The following SRGAP1 variants were observed in gnomAD, a reference collection of about 807,000 sequenced individuals.
The protein encoded by SRGAP1 is SLIT-ROBO Rho GTPase-activating protein 1.
SRGAP1 carries 43 observed loss-of-function variants against 121.9 expected under a neutral mutation model. The ratio of observed to expected loss-of-function variants is 0.35; its 90% CI spans 0.28 to 0.46. The LOEUF (loss-of-function observed/expected upper bound fraction) is 0.46, where lower values mean the gene tolerates loss of function less well. SRGAP1 is among the 20% of genes least tolerant of loss of function. SRGAP1 has a pLI of 1.00. For synonymous variants in SRGAP1, 447 were observed against 485.4 expected (o/e 0.92, Z 1.04); for missense variants, 1,102 against 1,350.9 (o/e 0.82, Z 2.89).
chr12:64,160,308 AGT>A lies in SRGAP1; in HGVS notation c.*17639_*17640del, dbSNP rs1382987528. ...ATCCTTAATCAGCTTCCTGATTGAG[AGT>A]GTATTTTGAGACATTCCATGTCTAG... On this transcript the variant is annotated 3_prime_UTR_variant, in exon 22 of 22. Transcript: ENST00000355086. 1 of 152,148 alleles carries A rather than the reference AGT, an allele frequency of 6.6e-6. No homozygotes were observed. The allele number at this position is 152,148 out of a possible 1,614,324, so 9.4% of individuals were successfully genotyped here.
intron 11 of SRGAP1, among the ~76,000 whole-genome samples, chr12:64,088,832 C>T (rs377111901): frequency 3.3e-5 from 5 of 152,250 alleles, no homozygotes; most frequent in East Asian, 1.9e-4. Flanking sequence ...CCCAGTCATG[C>T]GGGGACAATG....
intron 1 of SRGAP1, among the ~76,000 whole-genome samples, chr12:63,931,128 G>A (rs1022379034): frequency 6.6e-6 from 1 of 152,138 alleles, no homozygotes; most frequent in Admixed American, 6.6e-5. Flanking sequence ...AGTAATGTTG[G>A]TAGTTTTATT....
intron 1 of SRGAP1, among the ~76,000 whole-genome samples, chr12:63,858,183 G>GGTGTGTGT (rs34390447): frequency 2.0e-5 from 3 of 149,314 alleles, no homozygotes; most frequent in African/African-American, 4.9e-5. Context: ...TTTTGTGTGT[G>GGTGTGTGT]GTGTGTGTGT....
At chr12:63,997,492 T>C (rs2033745986) in intron 3 of SRGAP1, among the ~76,000 whole-genome samples, 1 of 152,142 alleles carries the variant, frequency 6.6e-6, no homozygotes, top group South Asian at 2.1e-4. Flanking sequence ...TGAAAACTTA[T>C]TTTTTAGCTA....
At chr12:64,012,408 A>G (rs1304903626) in intron 3 of SRGAP1, among the ~76,000 whole-genome samples, 5 of 152,076 alleles carry the variant, frequency 3.3e-5, no homozygotes, top group Non-Finnish European at 7.4e-5. Context: ...TGAATATATT[A>G]TTGGGTAACA....
At chr12:64,092,820 T>G (rs2036079897) in intron 12 of SRGAP1, among the ~76,000 whole-genome samples, 1 of 152,176 alleles carries the variant, frequency 6.6e-6, no homozygotes, top group South Asian at 2.1e-4. Flanking sequence ...GACGTAGGAT[T>G]CTGTTGTATT....
chr12:63,940,868 A>G (rs549713131), intron 1 of SRGAP1, among the ~76,000 whole-genome samples: 71 of 152,200 alleles, frequency 4.7e-4, no homozygotes, highest in Non-Finnish European at 7.3e-4. Context: ...CATCATCGGC[A>G]TATGGACAGT....
At chr12:64,137,437 T>A (rs903999765) in intron 21 of SRGAP1, among the ~76,000 whole-genome samples, 3 of 152,144 alleles carry the variant, frequency 2.0e-5, no homozygotes, top group Non-Finnish European at 4.4e-5. Context: ...TCGTAAAATG[T>A]CTTCCAGATT....
chr12:63,890,000 T>TGACATGTG (rs1900524257), intron 1 of SRGAP1, among the ~76,000 whole-genome samples: 1 of 152,224 alleles, frequency 6.6e-6, no homozygotes, highest in Non-Finnish European at 1.5e-5. Flanking sequence ...GTTTGTTCCA[T>TGACATGTG]GACATGTCGT....
At chr12:63,931,044 T>A (rs2031458947) in intron 1 of SRGAP1, among the ~76,000 whole-genome samples, 1 of 152,196 alleles carries the variant, frequency 6.6e-6, no homozygotes. Flanking sequence ...CTTTTGTTTT[T>A]AAGTGAGAAA....
At chr12:63,912,732 C>A (rs753873788) in intron 1 of SRGAP1, among the ~76,000 whole-genome samples, 1 of 152,048 alleles carries the variant, frequency 6.6e-6, no homozygotes, top group Non-Finnish European at 1.5e-5. Context: ...GAAATATAAA[C>A]GCTGTTGTTT....
intron 21 of SRGAP1, among the ~76,000 whole-genome samples, chr12:64,133,896 G>C (rs2036821459): frequency 6.6e-6 from 1 of 152,110 alleles, no homozygotes; most frequent in African/African-American, 2.4e-5. Flanking sequence ...TTCTACACGA[G>C]TCAGACTATT....
At chr12:64,091,429 T>C in intron 12 of SRGAP1, 51 bp downstream of exon 12, 1 of 1,370,482 alleles carries the variant, frequency 7.3e-7, no homozygotes, top group Non-Finnish European at 1.0e-6. Flanking sequence ...CTTACTATAA[T>C]GGTCTCAGCC....
intron 21 of SRGAP1, among the ~76,000 whole-genome samples, chr12:64,138,476 G>T (rs1366403192): frequency 4.8e-5 from 6 of 123,948 alleles, no homozygotes; most frequent in South Asian, 5.2e-4. Flanking sequence ...TTTTGGAGAT[G>T]GAGTCTCACT....
chr12:63,987,949 C>G (rs1472835784), intron 2 of SRGAP1, among the ~76,000 whole-genome samples: 1 of 152,076 alleles, frequency 6.6e-6, no homozygotes, highest in African/African-American at 2.4e-5. Flanking sequence ...TGTTATTTTA[C>G]CCATTCTACA....
rs2036986143 is a variant in SRGAP1 at position 64,142,702 on chromosome 12, G to A, written c.*30G>A. On this transcript the variant is annotated 3_prime_UTR_variant, in exon 22 of 22. Transcript: ENST00000355086. ...CAGCCAAGCAAGGCCATAAAGGGAG[G>A]TGACTTAAAAAAGAAAATGGATTAG... 6.4e-7 allele frequency: 1 copy of A among 1,571,034 alleles called. No individual in the cohort carries two copies. The highest frequency in any genetic ancestry group is 8.6e-7 in the Non-Finnish European group (1 of 1,157,462).
chr12:63,941,240 A>G (rs1409624160), intron 1 of SRGAP1, among the ~76,000 whole-genome samples: 1 of 152,006 alleles, frequency 6.6e-6, no homozygotes, highest in African/African-American at 2.4e-5. Flanking sequence ...GTTTGGTACA[A>G]CTGCCAAGAT....
At chr12:63,866,141 C>T (rs890625620) in intron 1 of SRGAP1, among the ~76,000 whole-genome samples, 2 of 152,130 alleles carry the variant, frequency 1.3e-5, no homozygotes, top group Non-Finnish European at 2.9e-5. Context: ...GCTGAATGAC[C>T]ATAGAATCGT....
rs537500506 is a variant in SRGAP1, at chr12:63,960,684, G to A, written c.68-23263G>A. Among the ~76,000 whole-genome samples, 6 of 152,272 alleles carry A rather than the reference G, an allele frequency of 3.9e-5. No homozygotes were observed. In the East Asian group the frequency reaches 1.2e-3, roughly 29 times the overall value. ...CAGACGTTATTAGGTGAAGAATCTT[G>A]AGATAGGGAGATTCTCCTAGGTGAC... On this transcript the variant is annotated intron_variant, in intron 1 of 21. Transcript: ENST00000355086.
Sources: gnomAD v4.1 joint callset for allele counts (sites outside exome capture counted in the v4.1 genomes callset) on GRCh38, gnomAD v4.1.1 for gene constraint, MANE v1.5 for transcripts, NCBI Gene and HGNC (gene_info 2026-07-23, HGNC 2026-07-21) for gene names.